FCRLB: variants seen among roughly 807,000 people sequenced by gnomAD.
FCRLB encodes the protein Fc receptor-like B.
FCRLB carries 34 observed loss-of-function variants against 33.6 expected under a neutral mutation model. That is an observed-to-expected ratio of 1.01 (90% CI 0.77 to 1.35). The LOEUF is 1.35. Ranked by LOEUF, FCRLB falls within the 40% of genes most tolerant of loss-of-function variation. The pLI, the probability that FCRLB is intolerant of heterozygous loss-of-function variation, is 0.00. For synonymous variants in FCRLB, 280 were observed against 255.9 expected (o/e 1.09, Z -0.90); for missense variants, 560 against 580.2 (o/e 0.97, Z 0.36).
intron 7 of FCRLB, 26 bp from the exon 8 acceptor site, chr1:161,727,221 C>T (rs761130893): frequency 1.9e-6 from 3 of 1,558,232 alleles, no homozygotes; most frequent in South Asian, 2.4e-5. Flanking sequence ...GCAAGCCGCG[C>T]GTGACTGGGC....
At position 161,727,305 on chromosome 1, in the gene FCRLB, T is replaced by C. The variant is rs144991370; in HGVS notation, c.924T>C (p.Ala308=). The C allele has an allele frequency of 4.5e-5, 73 of 1,613,350 alleles. No individual in the cohort carries two copies. In the African/African-American group the frequency reaches 8.3e-4, roughly 18 times the overall value. Residue 308 remains alanine (A), a synonymous_variant, in exon 8 of 8, where the codon GCT becomes GCC. Coordinates refer to ENST00000367948, the Ensembl canonical transcript of FCRLB. Reference sequence around the variant, plus strand: ...CAGCTCCATGGGCCGCAGCCTTGGCTCCTGGTAATAGGCCGCTTTCCTTCA... The same window carrying C: ...CAGCTCCATGGGCCGCAGCCTTGGCCCCTGGTAATAGGCCGCTTTCCTTCA...
At chr1:161,727,100 C>G in intron 7 of FCRLB, 107 bp downstream of exon 7, 2 of 1,342,060 alleles carry the variant, frequency 1.5e-6, no homozygotes, top group South Asian at 1.7e-5. Flanking sequence ...TCCCGCCCCC[C>G]GCCTTTCCCA....
At position 161,726,879 on chromosome 1, in the gene FCRLB, G is replaced by A. The variant is rs112940407; in HGVS notation, c.751G>A (p.Glu251Lys). The change falls in exon 7 of 8, where the codon GAG (glutamate) becomes AAG (lysine). Residue 251 changes from glutamate (E) to lysine (K), a missense_variant. Transcript: ENST00000367948. The surrounding 1 kb of genome is among the most constrained non-coding windows in gnomAD (Gnocchi z 5.2). ...GGTGCGCCGCTTCGACTGGGGCGCC[G>A]AGTACACAGTCCCGGAGCCCGAGGT... 1.3e-6 allele frequency: 2 copies of A among 1,585,604 alleles called. No individual in the cohort carries two copies. The highest frequency in any genetic ancestry group is 8.6e-7 in the Non-Finnish European group (1 of 1,165,654).
At chr1:161,724,712 T>G (rs966230727) in intron 5 of FCRLB, among the ~76,000 whole-genome samples, 1 of 152,206 alleles carries the variant, frequency 6.6e-6, no homozygotes, top group Non-Finnish European at 1.5e-5. Flanking sequence ...TAATTACTGC[T>G]TACAGATTGG....
rs993796514 is a variant in FCRLB, at chr1:161,723,712, A to G, written c.307+91A>G. On this transcript the variant is annotated intron_variant, in intron 5 of 7. Transcript: ENST00000367948. The stretch of plus-strand genomic sequence containing the variant: ...GGGAGGGAACACTGGGCCAATCCCA[A>G]GGTGCAGGAAACAAGGGCCACACTG... 10 of 1,534,442 alleles carry G rather than the reference A, an allele frequency of 6.5e-6. No individual in the cohort carries two copies. The African/African-American group carries it at 1.2e-4, about 19-fold the overall frequency.
At chr1:161,727,334 A>G (rs1284234963) in exon 8 of FCRLB, 1 of 1,613,598 alleles carries the variant, frequency 6.2e-7, no homozygotes. Context: ...TCCTTCAGAA[A>G]GCCCCCGGTG....
Position 161,726,289 on chromosome 1 carries a change from CG to C in FCRLB, c.574+203del. ...CTGCTTGGAGGCTGGTCCCTTTCCC[CG>C]ACGCACATCCTGGCTTCTCACTCTG... On this transcript the variant is annotated intron_variant, in intron 6 of 7. Coordinates refer to ENST00000367948, the Ensembl canonical transcript of FCRLB. This position sits in a 1 kb window ranked among gnomAD's most constrained non-coding sequence, Gnocchi z 5.2. The C allele has an allele frequency of 1.1e-6, 1 of 946,624 alleles. No individual in the cohort carries two copies. The highest frequency in any genetic ancestry group is 1.6e-6 in the Non-Finnish European group (1 of 608,960). The allele number at this position is 946,624 out of a possible 1,614,324, so 58.6% of individuals were successfully genotyped here.
chr1:161,727,175 A>AACC, intron 7 of FCRLB, 72 bp from the exon 8 acceptor site: 2 of 1,419,902 alleles, frequency 1.4e-6, no homozygotes, highest in Non-Finnish European at 1.9e-6. Flanking sequence ...CCACCGCCCT[A>AACC]CGCCCCTCCC....
At chr1:161,724,205 T>C (rs1306652179) in intron 5 of FCRLB, among the ~76,000 whole-genome samples, 3 of 152,190 alleles carry the variant, frequency 2.0e-5, no homozygotes, top group Non-Finnish European at 2.9e-5. Flanking sequence ...GACGTGTATA[T>C]GTGTACACAG....
At chr1:161,728,055 A>G (rs1258464168) in exon 8 of FCRLB, 1 of 173,990 alleles carries the variant, frequency 5.7e-6, no homozygotes. Context: ...GTAATTATTC[A>G]TAATGAATTT....
chr1:161,727,503 G>T, exon 8 of FCRLB: 2 of 1,614,152 alleles, frequency 1.2e-6, no homozygotes, highest in East Asian at 4.5e-5. Flanking sequence ...TGGACCTTCT[G>T]CTCCGAGAAA....
chr1:161,727,464 A>G, exon 8 of FCRLB: 1 of 1,614,066 alleles, frequency 6.2e-7, no homozygotes, highest in Non-Finnish European at 8.5e-7. Flanking sequence ...CGCCCTTGGA[A>G]CAATCGGCTG....
At chr1:161,727,843 C>T in exon 8 of FCRLB, 1 of 668,970 alleles carries the variant, frequency 1.5e-6, no homozygotes, top group Non-Finnish European at 2.5e-6. Flanking sequence ...TAACCGCAAG[C>T]ATTCTCTTTG....
chr1:161,722,746 G>A (rs1428644450), intron 3 of FCRLB, 43 bp downstream of exon 3: 1 of 1,611,342 alleles, frequency 6.2e-7, no homozygotes, highest in Non-Finnish European at 8.5e-7. Flanking sequence ...GGGTGGTGGA[G>A]AATAGGGTGG....
chr1:161,722,769 G>T, intron 3 of FCRLB, 66 bp downstream of exon 3: 2 of 1,592,438 alleles, frequency 1.3e-6, no homozygotes, highest in South Asian at 2.2e-5. Context: ...CAAGGTATGG[G>T]GAGAGGAGGG....
At chr1:161,725,735 G>C in intron 5 of FCRLB, 86 bp from the exon 6 acceptor site, 3 of 1,485,376 alleles carry the variant, frequency 2.0e-6, no homozygotes, top group Non-Finnish European at 2.7e-6. Context: ...GGAGTTAAGA[G>C]GAGAAAGCTG....
At chr1:161,727,369 T>A in exon 8 of FCRLB, 3 of 1,613,520 alleles carry the variant, frequency 1.9e-6, no homozygotes, top group Non-Finnish European at 1.7e-6. Context: ...GTTGGTCACC[T>A]CCGTCCGGAA....
At chr1:161,727,308 T>C in exon 8 of FCRLB, 1 of 1,613,674 alleles carries the variant, frequency 6.2e-7, no homozygotes, top group Non-Finnish European at 8.5e-7. Flanking sequence ...CCTTGGCTCC[T>C]GGTAATAGGC....
exon 3 of FCRLB, chr1:161,722,681 A>T: frequency 6.2e-7 from 1 of 1,614,116 alleles, no homozygotes; most frequent in Non-Finnish European, 8.5e-7. Flanking sequence ...TCATGTGGCC[A>T]CTGACAGCCC....
Sources: allele counts gnomAD v4.1 joint callset (sites outside exome capture counted in the v4.1 genomes callset), GRCh38; gene constraint gnomAD v4.1.1; non-coding constraint Gnocchi (gnomAD v3.1); transcripts MANE v1.5; gene names NCBI Gene and HGNC (gene_info 2026-07-23, HGNC 2026-07-21).